ZNF143: variants seen among roughly 807,000 people sequenced by gnomAD.
ZNF143 encodes the protein SPH-binding factor.
Under a neutral mutation model 74.1 loss-of-function variants are expected in ZNF143, and 49 were observed. That is an observed-to-expected ratio of 0.66 (90% CI 0.53 to 0.84). The LOEUF (loss-of-function observed/expected upper bound fraction) is 0.84. Among genes scored for constraint, ZNF143 ranks in the 40% least tolerant of loss-of-function variants. ZNF143 has a pLI of 0.00. For missense variants in ZNF143, 637 were observed against 793.4 expected (o/e 0.80, Z 2.37); for synonymous variants, 304 against 282.8 (o/e 1.07, Z -0.75).
rs531851955 is a variant in ZNF143 at position 9,469,274 on chromosome 11, C to T, written c.-7-2028C>T. On this transcript the variant is annotated intron_variant, in intron 1 of 15. Coordinates refer to ENST00000396602, the MANE Select transcript of ZNF143 (RefSeq NM_003442.6). ...CATACGGAGTTTCGCTCTTGTTGCCCAGCTTGGAGTGCAATGTTGTGATCT... is the reference window on the plus strand; with the variant it reads ...CATACGGAGTTTCGCTCTTGTTGCCTAGCTTGGAGTGCAATGTTGTGATCT... Among the ~76,000 whole-genome samples, 11 of 143,746 alleles carry T rather than the reference C, an allele frequency of 7.7e-5. No individual in the cohort carries two copies. In the East Asian group the frequency reaches 2.2e-3, roughly 29 times the overall value. 94.3% of individuals were successfully genotyped at this position (143,746 alleles called of 152,430 possible).
Position 9,494,754 on chromosome 11 carries a change from C to T in ZNF143, c.754C>T (p.His252Tyr), listed in dbSNP as rs775453952. 1.2e-6 allele frequency: 2 copies of T among 1,609,060 alleles called. No individual in the cohort carries two copies. The highest frequency in any genetic ancestry group is 1.7e-6 in the Non-Finnish European group (2 of 1,175,546). Reference sequence around the variant, plus strand: ...ATGTGGAAAATTATATACAACAGCTCATCATCTCAAGGTATATATAAAAGA... The same window carrying T: ...ATGTGGAAAATTATATACAACAGCTTATCATCTCAAGGTATATATAAAAGA... The part of the protein sequence containing the change: ...DGCGKLYTTA[H>Y]HLKVHERSHT... Residue 252 changes from histidine (H) to tyrosine (Y), a missense_variant, in exon 8 of 16, where the codon CAT (histidine) becomes TAT (tyrosine). His to Tyr is a moderately conservative substitution (Grantham distance 83). Around this residue, in one of 2 missense-constraint regions of ZNF143, gnomAD observed 293 missense variants for 307.8 expected, o/e 0.95. Coordinates refer to ENST00000396602, the MANE Select transcript of ZNF143 (RefSeq NM_003442.6).
At chr11:9,514,566 C>T (rs961637680) in intron 13 of ZNF143, among the ~76,000 whole-genome samples, 1 of 152,066 alleles carries the variant, frequency 6.6e-6, no homozygotes, top group Non-Finnish European at 1.5e-5. Flanking sequence ...GCTGTGGCAC[C>T]CTGGAGGAGA....
intron 10 of ZNF143, among the ~76,000 whole-genome samples, chr11:9,498,346 G>C (rs1191061768): frequency 1.3e-5 from 2 of 152,198 alleles, no homozygotes; most frequent in Non-Finnish European, 2.9e-5. Context: ...TAGACCACGA[G>C]CTCTCTCAGG....
chr11:9,468,808 G>A (rs1350020572), intron 1 of ZNF143, among the ~76,000 whole-genome samples: 2 of 152,244 alleles, frequency 1.3e-5, no homozygotes, highest in Admixed American at 1.3e-4. Context: ...CTGCAGTCCA[G>A]CCTGGGTGAC....
chr11:9,473,809 A>G, intron 3 of ZNF143, 132 bp from the exon 4 acceptor site: 1 of 1,577,624 alleles, frequency 6.3e-7, no homozygotes, highest in South Asian at 1.1e-5. Context: ...TTGCCTCAGA[A>G]CATTGAGGGA....
chr11:9,490,883 C>G (rs1847747842), intron 7 of ZNF143, among the ~76,000 whole-genome samples: 1 of 152,088 alleles, frequency 6.6e-6, no homozygotes, highest in Non-Finnish European at 1.5e-5. Context: ...CAAGTACATA[C>G]CACCACACTC....
chr11:9,494,908 A>G (rs1847907607), intron 8 of ZNF143, 143 bp downstream of exon 8: 3 of 875,846 alleles, frequency 3.4e-6, no homozygotes, highest in South Asian at 3.8e-5. Flanking sequence ...ATACACAGAC[A>G]TGTAAAAACC....
In ZNF143 at chr11:9,508,863, C is replaced by T. The variant is rs765296636; in HGVS notation, c.1375+17C>T. ...CGCCCCCAGGTGAGAGTTTTGTCTACTATATTTTGTTTCTGAGTTTGAGAA... is the reference window on the plus strand; with the variant it reads ...CGCCCCCAGGTGAGAGTTTTGTCTATTATATTTTGTTTCTGAGTTTGAGAA... On this transcript the variant is annotated intron_variant, in intron 12 of 15. Transcript: ENST00000396602. 1 of 1,554,938 alleles carries T rather than the reference C, an allele frequency of 6.4e-7. No individual in the cohort carries two copies. Among genetic ancestry groups the T allele is most frequent in the Admixed American group, 1.9e-5 (1 of 51,290 alleles).
In ZNF143 at chr11:9,512,536, A is replaced by G; in HGVS notation, c.1464A>G (p.Thr488=). 1.2e-6 allele frequency: 2 copies of G among 1,614,222 alleles called. No homozygotes were observed. The highest frequency in any genetic ancestry group is 8.5e-7 in the Non-Finnish European group (1 of 1,180,012). ...GDDVVSTQVA[T]VTQSGLSQQV... ...ACGTTGTTTCTACACAAGTAGCCAC[A>G]GTAACCCAATCTGGACTGAGTCAAC... The change falls in exon 13 of 16, where the codon ACA becomes ACG. Residue 488 remains threonine (T), a synonymous_variant. Transcript: ENST00000396602.
At chr11:9,515,719 C>G (rs1848701377) in intron 13 of ZNF143, among the ~76,000 whole-genome samples, 1 of 150,862 alleles carries the variant, frequency 6.6e-6, no homozygotes, top group South Asian at 2.1e-4. Flanking sequence ...GTGGCTCACA[C>G]CTGTAATCCC....
chr11:9,474,741 T>A lies in ZNF143; in HGVS notation c.373+108T>A, dbSNP rs1375689947. The A allele has an allele frequency of 6.0e-6, 7 of 1,160,800 alleles. No homozygotes were observed. In the East Asian group the frequency reaches 1.8e-4, roughly 29 times the overall value. The allele number at this position is 1,160,800 out of a possible 1,614,324, so 71.9% of individuals were successfully genotyped here. A position where few individuals can be genotyped will look rare whatever the true frequency, so the allele number is the denominator to read the frequency against. On this transcript the variant is annotated intron_variant, in intron 5 of 15. Coordinates refer to ENST00000396602, the MANE Select transcript of ZNF143 (RefSeq NM_003442.6). ...TTGTTGTCATGGGAAAGAATTGTAT[T>A]TATTCATTAAAGTACAAGGTGGCAG... is the stretch of plus-strand genomic sequence containing the variant.
chr11:9,497,527 G>A (rs1350402663), intron 9 of ZNF143, 148 bp from the exon 10 acceptor site: 24 of 609,070 alleles, frequency 3.9e-5, no homozygotes, highest in Non-Finnish European at 5.4e-5. Flanking sequence ...CACCGTGCCC[G>A]GCCCTTTTGT....
chr11:9,513,020 A>G (rs1435406936), intron 13 of ZNF143, among the ~76,000 whole-genome samples: 1 of 152,242 alleles, frequency 6.6e-6, no homozygotes, highest in Non-Finnish European at 1.5e-5. Flanking sequence ...AGTTCACTCA[A>G]CTAGCCTCAC....
intron 13 of ZNF143, among the ~76,000 whole-genome samples, chr11:9,514,341 C>T (rs574856580): frequency 1.2e-4 from 18 of 152,366 alleles, no homozygotes; most frequent in African/African-American, 4.1e-4. Context: ...ACTTAACCTT[C>T]TCATTTCCTT....
At chr11:9,477,111 A>AG (rs1856953246) in intron 5 of ZNF143, among the ~76,000 whole-genome samples, 1 of 121,566 alleles carries the variant, frequency 8.2e-6, no homozygotes, top group Admixed American at 9.0e-5. Context: ...TAAAGTCTGC[A>AG]CCCCTTCCTT....
chr11:9,505,544 G>A (rs1016187610), intron 11 of ZNF143, among the ~76,000 whole-genome samples: 6 of 151,136 alleles, frequency 4.0e-5, no homozygotes, highest in African/African-American at 1.5e-4. Context: ...CAATTTTTGT[G>A]TGCTATACAT....
At chr11:9,462,671 C>T (rs962756951) in intron 1 of ZNF143, among the ~76,000 whole-genome samples, 5 of 151,922 alleles carry the variant, frequency 3.3e-5, no homozygotes, top group Admixed American at 2.0e-4. Flanking sequence ...GTCAGGAGTT[C>T]GAGACCAGTC....
chr11:9,491,075 T>C (rs1007306663), intron 7 of ZNF143, among the ~76,000 whole-genome samples: 20 of 152,182 alleles, frequency 1.3e-4, no homozygotes, highest in African/African-American at 4.3e-4. Flanking sequence ...CCATTTCTTA[T>C]AGTTTTATTA....
chr11:9,508,029 T>G (rs979720562), intron 11 of ZNF143, among the ~76,000 whole-genome samples: 3 of 152,212 alleles, frequency 2.0e-5, no homozygotes, highest in African/African-American at 7.2e-5. Context: ...GTTCTCAAGC[T>G]GTTTCATGGG....
Sources: allele counts gnomAD v4.1 joint callset (sites outside exome capture counted in the v4.1 genomes callset), GRCh38; gene constraint gnomAD v4.1.1; regional missense constraint gnomAD v4.1.1; transcripts MANE v1.5; gene names NCBI Gene and HGNC (gene_info 2026-07-23, HGNC 2026-07-21).